Variants in SGMS1 observed in about 807,000 individuals in gnomAD.
SGMS1 encodes the protein sphingomyelin synthase 1.
Under a neutral mutation model 46.2 loss-of-function variants are expected in SGMS1, and 13 were observed. The ratio of observed to expected loss-of-function variants is 0.28; its 90% CI spans 0.18 to 0.45. The LOEUF is 0.45. Among genes scored for constraint, SGMS1 ranks in the 20% least tolerant of loss-of-function variants. SGMS1 has a pLI of 1.00. For missense variants in SGMS1, 324 were observed against 519.9 expected, an observed-to-expected ratio of 0.62 and a Z score of 3.66; for synonymous variants, 203 against 187.8, an observed-to-expected ratio of 1.08 and a Z score of -0.66.
intron 2 of SGMS1, among the ~76,000 whole-genome samples, chr10:50,530,799 T>C (rs1837946745): frequency 6.6e-6 from 1 of 152,176 alleles, no homozygotes; most frequent in Admixed American, 6.6e-5. Flanking sequence ...AACAATAGTT[T>C]ATATAATACA....
At chr10:50,569,572 A>G (rs1278697715) in intron 2 of SGMS1, among the ~76,000 whole-genome samples, 3 of 152,106 alleles carry the variant, frequency 2.0e-5, no homozygotes, top group Non-Finnish European at 4.4e-5. Flanking sequence ...AAACAGCTTT[A>G]CTGGTCATTT....
At chr10:50,524,392 C>T (rs887537878) in intron 2 of SGMS1, among the ~76,000 whole-genome samples, 1 of 152,198 alleles carries the variant, frequency 6.6e-6, no homozygotes, top group Non-Finnish European at 1.5e-5. Context: ...CGTCTCCTAA[C>T]ACTTTATGCT....
chr10:50,353,507 C>T (rs927914368), intron 6 of SGMS1, among the ~76,000 whole-genome samples: 1 of 152,300 alleles, frequency 6.6e-6, no homozygotes, highest in Non-Finnish European at 1.5e-5. Context: ...AAACTGGAAG[C>T]ATTCCCTTTG....
intron 6 of SGMS1, among the ~76,000 whole-genome samples, chr10:50,371,966 C>T (rs939961436): frequency 6.6e-6 from 1 of 152,212 alleles, no homozygotes; most frequent in African/African-American, 2.4e-5. Context: ...CACCTCAGAA[C>T]ACATTGCATT....
intron 6 of SGMS1, among the ~76,000 whole-genome samples, chr10:50,415,107 C>G (rs1372980204): frequency 6.6e-6 from 1 of 152,150 alleles, no homozygotes; most frequent in African/African-American, 2.4e-5. Context: ...GGTGACAGAG[C>G]GAGACTCCGT....
chr10:50,427,313 G>T (rs183359427), intron 6 of SGMS1, among the ~76,000 whole-genome samples: 5 of 152,280 alleles, frequency 3.3e-5, no homozygotes, highest in African/African-American at 7.2e-5. Flanking sequence ...GCAGGAGAAC[G>T]GCATGAACCC....
intron 6 of SGMS1, among the ~76,000 whole-genome samples, chr10:50,429,405 T>C (rs890390636): frequency 2.0e-5 from 3 of 152,188 alleles, no homozygotes; most frequent in Non-Finnish European, 4.4e-5. Context: ...AGGTTTGTAG[T>C]AGGCTACACC....
chr10:50,594,909 GA>G, intron 1 of SGMS1, among the ~76,000 whole-genome samples: 1 of 152,294 alleles, frequency 6.6e-6, no homozygotes, highest in African/African-American at 2.4e-5. Flanking sequence ...CGACAAGGTA[GA>G]AACTGTTTAT....
chr10:50,616,305 T>TTTAC (rs1838796836), intron 1 of SGMS1, among the ~76,000 whole-genome samples: 1 of 152,006 alleles, frequency 6.6e-6, no homozygotes, highest in African/African-American at 2.4e-5. Flanking sequence ...TATTTATTTA[T>TTTAC]TTATTTATTT....
At chr10:50,506,550 G>C (rs1235549004) in intron 3 of SGMS1, among the ~76,000 whole-genome samples, 1 of 152,120 alleles carries the variant, frequency 6.6e-6, no homozygotes, top group Non-Finnish European at 1.5e-5. Context: ...CCACGTGTCT[G>C]CTCAGTTTCA....
intron 2 of SGMS1, among the ~76,000 whole-genome samples, chr10:50,584,179 T>C (rs1370938926): frequency 6.6e-6 from 1 of 152,128 alleles, no homozygotes; most frequent in Non-Finnish European, 1.5e-5. Context: ...GTAGAAGACA[T>C]GAATGGCTAT....
intron 2 of SGMS1, among the ~76,000 whole-genome samples, chr10:50,585,176 G>T (rs529400262): frequency 1.6e-4 from 25 of 152,206 alleles, no homozygotes; most frequent in Non-Finnish European, 3.7e-4. Context: ...TTGTTATGCT[G>T]CATTCCAAAC....
chr10:50,515,603 C>T (rs959247547), intron 3 of SGMS1, among the ~76,000 whole-genome samples: 2 of 152,206 alleles, frequency 1.3e-5, no homozygotes, highest in African/African-American at 4.8e-5. Context: ...GATGGCTCCA[C>T]TGGCACAGAA....
intron 2 of SGMS1, among the ~76,000 whole-genome samples, chr10:50,576,439 G>T (rs1374201827): frequency 6.6e-6 from 1 of 152,174 alleles, no homozygotes; most frequent in Non-Finnish European, 1.5e-5. Flanking sequence ...GCTGCCACTG[G>T]AGGAGCACGC....
At chr10:50,363,025 C>T (rs957191093) in intron 6 of SGMS1, among the ~76,000 whole-genome samples, 2 of 152,170 alleles carry the variant, frequency 1.3e-5, no homozygotes, top group African/African-American at 4.8e-5. Context: ...CTAGCACCCA[C>T]ATCTTTTTTG....
chr10:50,519,556 C>T (rs1183452612), intron 3 of SGMS1, among the ~76,000 whole-genome samples: 1 of 152,206 alleles, frequency 6.6e-6, no homozygotes, highest in East Asian at 1.9e-4. Context: ...ACACTCTTTC[C>T]TGTGGCCTTT....
At chr10:50,428,319 T>G (rs529233421) in intron 6 of SGMS1, among the ~76,000 whole-genome samples, 28 of 152,252 alleles carry the variant, frequency 1.8e-4, no homozygotes, top group African/African-American at 6.7e-4. Flanking sequence ...TTAAAGTGTC[T>G]TCTCAGAAAT....
intron 3 of SGMS1, among the ~76,000 whole-genome samples, chr10:50,498,155 A>G (rs1308309965): frequency 1.3e-5 from 2 of 151,828 alleles, no homozygotes; most frequent in Non-Finnish European, 2.9e-5. Flanking sequence ...CTTGCCCACC[A>G]CCCCTGCTTT....
intron 6 of SGMS1, among the ~76,000 whole-genome samples, chr10:50,416,922 C>T (rs1428561307): frequency 6.7e-6 from 1 of 149,708 alleles, no homozygotes; most frequent in Non-Finnish European, 1.5e-5. Context: ...TTTTCTTCCT[C>T]TCTCCATGAC....
Sources: gnomAD v4.1 joint callset for allele counts (sites outside exome capture counted in the v4.1 genomes callset) on GRCh38, gnomAD v4.1.1 for gene constraint, MANE v1.5 for transcripts, NCBI Gene and HGNC (gene_info 2026-07-23, HGNC 2026-07-21) for gene names.